Variants in MEDAG observed in about 807,000 individuals in gnomAD.
MEDAG encodes the protein mesenteric estrogen dependent adipogenesis.
In MEDAG, 25 loss-of-function variants were observed where a neutral mutation model predicts 29.9. That is an observed-to-expected ratio of 0.84 (90% confidence interval 0.61 to 1.17). MEDAG has a LOEUF of 1.17. MEDAG is among the 50% of genes most tolerant of loss of function. The pLI is 0.00. For synonymous variants in MEDAG, 158 were observed against 148.2 expected, an observed-to-expected ratio of 1.07 and a Z score of -0.48; for missense variants, 398 against 372.9, an observed-to-expected ratio of 1.07 and a Z score of -0.56.
In MEDAG at chr13:30,910,193, A is replaced by AACACACACACACACAC. The variant is rs77242350; in HGVS notation, c.278+3410_278+3425dup. Among the ~76,000 whole-genome samples, 1,440 of 149,254 alleles carry AACACACACACACACAC rather than the reference A, an allele frequency of 9.6e-3. 40 individuals carry two copies. In the East Asian group the frequency reaches 0.11, roughly 12 times the overall value. On this transcript the variant is annotated intron_variant, in intron 1 of 4. Transcript: ENST00000380482. Reference sequence around the variant, plus strand: ...TACCATTAACTACGACACACACACAAACACACACACACACACACACACACA... The same window carrying AACACACACACACACAC: ...TACCATTAACTACGACACACACACAAACACACACACACACACACACACACACACACACACACACACA...
In MEDAG at chr13:30,921,809, C is replaced by G. The variant is rs555397627; in HGVS notation, c.750C>G (p.Ser250Arg). ...TGAGTGAGCCTTTAATCCGAAGGAGCAGTTTCTCTGACCGAAAGTTCAGTG... is the reference window on the plus strand; with the variant it reads ...TGAGTGAGCCTTTAATCCGAAGGAGGAGTTTCTCTGACCGAAAGTTCAGTG... ...EKMSEPLIRR[S>R]SFSDRKFSVT... Residue 250 changes from serine to arginine, a missense_variant, in exon 4 of 5, where the codon AGC (serine) becomes AGG (arginine). Physicochemically the swap from Ser to Arg is moderately radical, Grantham distance 110 (BLOSUM62 -1). Transcript: ENST00000380482. 26 of 1,610,530 alleles carry G rather than the reference C, an allele frequency of 1.6e-5. No homozygotes were observed. The highest frequency in any genetic ancestry group is 1.6e-4 in the East Asian group (7 of 44,828).
In MEDAG at chr13:30,917,416, A is replaced by T. The variant is rs1952939610; in HGVS notation, c.292A>T (p.Thr98Ser). 6.3e-7 allele frequency: 1 copy of T among 1,596,904 alleles called. No individual in the cohort carries two copies. Among genetic ancestry groups the T allele is most frequent in the Admixed American group, 1.7e-5 (1 of 59,840 alleles). Residue 98 changes from threonine to serine, a missense_variant, in exon 2 of 5, where the codon ACC becomes TCC. Physicochemically the swap from Thr to Ser is moderately conservative, Grantham distance 58. Coordinates refer to ENST00000380482, the MANE Select transcript of MEDAG (RefSeq NM_032849.4). Reference protein sequence around the residue: ...SSYIKRYVELTNYCDYKDYRE... With the variant: ...SSYIKRYVELSNYCDYKDYRE... ...GCTTCTTCATAGGTATGTGGAACTG[A>T]CCAACTACTGTGATTATAAAGACTA... is the stretch of plus-strand genomic sequence containing the variant.
chr13:30,923,426 T>C (rs1953008898), intron 4 of MEDAG, among the ~76,000 whole-genome samples: 1 of 152,034 alleles, frequency 6.6e-6, no homozygotes, highest in Non-Finnish European at 1.5e-5. Flanking sequence ...ATCTCTTCCA[T>C]CTCCATTTCT....
chr13:30,913,455 A>G (rs1481357931), intron 1 of MEDAG, among the ~76,000 whole-genome samples: 1 of 151,368 alleles, frequency 6.6e-6, no homozygotes, highest in South Asian at 2.1e-4. Context: ...CTGGTCTACA[A>G]CTCCTTGCCT....
At chr13:30,907,394 A>C (rs1013292466) in intron 1 of MEDAG, among the ~76,000 whole-genome samples, 1 of 152,232 alleles carries the variant, frequency 6.6e-6, no homozygotes, top group African/African-American at 2.4e-5. Flanking sequence ...GCCCGGGGCC[A>C]TGTGGGCTGT....
chr13:30,924,288 A>G (rs1354879603), intron 4 of MEDAG, 23 bp from the exon 5 acceptor site: 1 of 1,600,094 alleles, frequency 6.2e-7, no homozygotes, highest in South Asian at 1.1e-5. Context: ...GTAATAATGC[A>G]TGCTTTGTTT....
chr13:30,915,721 T>A (rs1254489600), intron 1 of MEDAG, among the ~76,000 whole-genome samples: 1 of 151,974 alleles, frequency 6.6e-6, no homozygotes, highest in Non-Finnish European at 1.5e-5. Flanking sequence ...CAGGTGAGGA[T>A]GAGGGCAGGG....
chr13:30,913,242 G>A (rs1380070929), intron 1 of MEDAG, among the ~76,000 whole-genome samples: 1 of 152,108 alleles, frequency 6.6e-6, no homozygotes, highest in East Asian at 1.9e-4. Flanking sequence ...TTGAGATAGG[G>A]TCTTGCTCTG....
chr13:30,911,553 T>A (rs1483466161), intron 1 of MEDAG, among the ~76,000 whole-genome samples: 2 of 152,146 alleles, frequency 1.3e-5, no homozygotes, highest in African/African-American at 4.8e-5. Context: ...CCTTGTGGGC[T>A]GTTTGGCTTG....
intron 1 of MEDAG, among the ~76,000 whole-genome samples, chr13:30,909,433 G>A (rs559602352): frequency 2.2e-4 from 34 of 152,206 alleles, no homozygotes; most frequent in African/African-American, 7.7e-4. Context: ...CTTCTTTGCG[G>A]CCACCATATT....
chr13:30,907,645 G>A (rs527262971), intron 1 of MEDAG, among the ~76,000 whole-genome samples: 69 of 152,372 alleles, frequency 4.5e-4, no homozygotes, highest in African/African-American at 1.6e-3. Flanking sequence ...AGGGCCTGGA[G>A]TGCAAAGACC....
intron 1 of MEDAG, among the ~76,000 whole-genome samples, chr13:30,909,421 G>A (rs182134376): frequency 2.4e-4 from 36 of 152,152 alleles, no homozygotes; most frequent in Admixed American, 7.9e-4. Context: ...GTGACTTTTC[G>A]TCTTCTTTGC....
intron 1 of MEDAG, among the ~76,000 whole-genome samples, chr13:30,911,682 C>A (rs1213747990): frequency 1.3e-5 from 2 of 152,158 alleles, no homozygotes; most frequent in Non-Finnish European, 2.9e-5. Flanking sequence ...GGAGCCTGGA[C>A]ACGTGAATAC....
At chr13:30,916,381 GA>G in intron 1 of MEDAG, 1 of 152,260 alleles carries the variant, frequency 6.6e-6, no homozygotes, top group Admixed American at 6.5e-5. Flanking sequence ...CAGCCAGAAA[GA>G]ATTGCTTGGA....
At chr13:30,923,905 A>G (rs1953014478) in intron 4 of MEDAG, among the ~76,000 whole-genome samples, 1 of 152,206 alleles carries the variant, frequency 6.6e-6, no homozygotes, top group Non-Finnish European at 1.5e-5. Flanking sequence ...ACTGCAGGAC[A>G]GCACAGCCAA....
At position 30,924,446 on chromosome 13, in the gene MEDAG, C is replaced by A. The variant is rs767896228; in HGVS notation, c.*11C>A. 1 of 1,613,104 alleles carries A rather than the reference C, an allele frequency of 6.2e-7. No homozygotes were observed. The highest frequency in any genetic ancestry group is 1.3e-5 in the African/African-American group (1 of 74,864). On this transcript the variant is annotated 3_prime_UTR_variant, in exon 5 of 5. Coordinates refer to ENST00000380482, the MANE Select transcript of MEDAG (RefSeq NM_032849.4). ...AACCAATTTATCTGATTGAACTGAA[C>A]ATTGTAGCAGTTGCTCCCGCACTCC... is the stretch of plus-strand genomic sequence containing the variant.
At chr13:30,923,110 G>A (rs1034754590) in intron 4 of MEDAG, among the ~76,000 whole-genome samples, 2 of 151,924 alleles carry the variant, frequency 1.3e-5, no homozygotes, top group Non-Finnish European at 2.9e-5. Flanking sequence ...TAGTAGAGAC[G>A]GGTTTTCACC....
intron 1 of MEDAG, 26 bp downstream of exon 1, chr13:30,906,819 G>T: frequency 7.0e-7 from 1 of 1,436,748 alleles, no homozygotes; most frequent in Non-Finnish European, 9.1e-7. Flanking sequence ...GTGCGCCCTG[G>T]CCCGTCGCCT....
chr13:30,906,326 C>T lies in MEDAG; in HGVS notation c.-190C>T. On this transcript the variant is annotated 5_prime_UTR_variant, in exon 1 of 5. Transcript: ENST00000380482. ...CAGCGAGTGGCAGCTTGGGAGGGGCCGCCCGGGCGGTCAGACTGGCACCTG... is the reference window on the plus strand; with the variant it reads ...CAGCGAGTGGCAGCTTGGGAGGGGCTGCCCGGGCGGTCAGACTGGCACCTG... 2 of 475,930 alleles carry T rather than the reference C, an allele frequency of 4.2e-6. No homozygotes were observed. The highest frequency in any genetic ancestry group is 6.8e-6 in the Non-Finnish European group (2 of 293,652). The allele number at this position is 475,930 out of a possible 1,614,324, so 29.5% of individuals were successfully genotyped here. A position where few individuals can be genotyped will look rare whatever the true frequency, so the allele number is the denominator to read the frequency against.
Sources: allele counts gnomAD v4.1 joint callset (sites outside exome capture counted in the v4.1 genomes callset), GRCh38; gene constraint gnomAD v4.1.1; transcripts MANE v1.5; gene names NCBI Gene and HGNC (gene_info 2026-07-23, HGNC 2026-07-21).